Variants in HTT observed in about 807,000 individuals in gnomAD.
HTT encodes the protein huntingtin, also known as huntington disease protein.
In HTT, 104 loss-of-function variants were observed where a neutral mutation model predicts 362.3. That is an observed-to-expected ratio of 0.29 (90% confidence interval 0.24 to 0.34). The LOEUF is 0.34. HTT is among the 10% of genes least tolerant of loss of function. The pLI is 1.00. For synonymous variants in HTT, 1,577 were observed against 1,548.7 expected (o/e 1.02, Z -0.43); for missense variants, 3,301 against 3,928.6 (o/e 0.84, Z 4.27).
chr4:3,179,578 G>C lies in HTT; in HGVS notation c.4613-937G>C, dbSNP rs544287286. 3.3e-5 allele frequency among the ~76,000 whole-genome samples: 5 copies of C among 152,040 alleles called. No homozygotes were observed. In the South Asian group the frequency reaches 1.0e-3, roughly 32 times the overall value. On this transcript the variant is annotated intron_variant, in intron 35 of 66. Coordinates refer to ENST00000355072, the MANE Select transcript of HTT (RefSeq NM_001388492.1). The stretch of plus-strand genomic sequence containing the variant: ...TTGTGCCCTTCACTGAGGGGTCAGA[G>C]GGTGCCTCGCGTGTGTGTGTGTGTA...
In HTT at chr4:3,206,903, A is replaced by G. The variant is rs1242109826; in HGVS notation, c.5995A>G (p.Thr1999Ala). ...LTLYVDRLLC[T>A]PFRVLARMVD... ...GCTGTATGTGGACAGGCTTCTGTGC[A>G]CCCCTTTCCGTGTGCTGGCTCGCAT... is the stretch of plus-strand genomic sequence containing the variant. Residue 1999 changes from threonine to alanine, a missense_variant, in exon 44 of 67, where the codon ACC becomes GCC. By Grantham distance (58) the Thr-to-Ala change is moderately conservative. Transcript: ENST00000355072. This position sits in a 1 kb window ranked among gnomAD's most constrained non-coding sequence, Gnocchi z 4.6. The G allele has an allele frequency of 1.2e-6, 2 of 1,613,838 alleles. No individual in the cohort carries two copies. The highest frequency in any genetic ancestry group is 4.5e-5 in the East Asian group (2 of 44,868).
intron 29 of HTT, among the ~76,000 whole-genome samples, chr4:3,166,264 C>G (rs1345611113): frequency 6.6e-6 from 1 of 152,202 alleles, no homozygotes; most frequent in African/African-American, 2.4e-5. Context: ...GCAAATATTG[C>G]TGCCTGATCC....
chr4:3,172,266 GTACAA>G, intron 29 of HTT, 49 bp from the exon 30 acceptor site: 3 of 978,354 alleles, frequency 3.1e-6, no homozygotes. Flanking sequence ...TCTAGGATTC[GTACAA>G]TAACGGGTCA....
intron 1 of HTT, among the ~76,000 whole-genome samples, chr4:3,080,486 A>T (rs1156359393): frequency 1.3e-5 from 2 of 152,202 alleles, no homozygotes; most frequent in Non-Finnish European, 2.9e-5. Context: ...ATAGTTCTTT[A>T]TATATTCTGG....
Position 3,074,794 on chromosome 4 carries a change from C to T in HTT, c.-32C>T. 2 of 1,508,930 alleles carry T rather than the reference C, an allele frequency of 1.3e-6. No homozygotes were observed. The highest frequency in any genetic ancestry group is 1.8e-6 in the Non-Finnish European group (2 of 1,134,836). 93.5% of individuals were successfully genotyped at this position (1,508,930 alleles called of 1,614,324 possible). ...GGCGCCGCGAGTCGGCCCGAGGCCT[C>T]CGGGGACTGCCGTGCCGGGCGGGAG... On this transcript the variant is annotated 5_prime_UTR_variant, in exon 1 of 67. Coordinates refer to ENST00000355072, the MANE Select transcript of HTT (RefSeq NM_001388492.1).
chr4:3,097,720 T>C (rs1478498346), intron 2 of HTT, among the ~76,000 whole-genome samples: 3 of 152,230 alleles, frequency 2.0e-5, no homozygotes, highest in African/African-American at 7.2e-5. Flanking sequence ...ATGAAATGGA[T>C]GAGTTCCTTG....
chr4:3,080,019 G>A (rs1712804181), intron 1 of HTT, among the ~76,000 whole-genome samples: 1 of 152,128 alleles, frequency 6.6e-6, no homozygotes, highest in African/African-American at 2.4e-5. Context: ...GCTTAAACTG[G>A]TAACAAGCAA....
chr4:3,174,653 T>G, intron 31 of HTT, 68 bp from the exon 32 acceptor site: 1 of 1,265,378 alleles, frequency 7.9e-7, no homozygotes, highest in Non-Finnish European at 1.2e-6. Flanking sequence ...CAGGAGTATA[T>G]CTGAGTGCAG....
At position 3,154,357 on chromosome 4, in the gene HTT, A is replaced by G; in HGVS notation, c.3563A>G (p.Lys1188Arg). 2 of 1,613,784 alleles carry G rather than the reference A, an allele frequency of 1.2e-6. No individual in the cohort carries two copies. Among genetic ancestry groups the G allele is most frequent in the Non-Finnish European group, 8.5e-7 (1 of 1,179,842 alleles). Residue 1188 changes from lysine to arginine, a missense_variant, in exon 27 of 67, where the codon AAA becomes AGA. By Grantham distance (26) the Lys-to-Arg change is conservative (BLOSUM62 2). This residue lies in a region of HTT where 2,316 missense variants were observed against 2,658.5 expected (regional missense o/e 0.87). Transcript: ENST00000355072. ...LSPIRRKGKE[K>R]EPGEQASVPL... ...CCCATCCGACGAAAGGGGAAGGAGA[A>G]AGAACCAGGAGAACAAGCATCTGTA...
intron 2 of HTT, among the ~76,000 whole-genome samples, chr4:3,097,881 A>T (rs1295657109): frequency 6.6e-6 from 1 of 152,226 alleles, no homozygotes; most frequent in Non-Finnish European, 1.5e-5. Flanking sequence ...AACTTTTTCA[A>T]CTGAATTTTA....
intron 27 of HTT, among the ~76,000 whole-genome samples, chr4:3,156,648 A>G (rs1003412035): frequency 1.3e-5 from 2 of 152,226 alleles, no homozygotes; most frequent in Non-Finnish European, 2.9e-5. Flanking sequence ...TTTAATGATA[A>G]TGTTTGTGCC....
At chr4:3,219,331 C>T (rs1489330466) in intron 52 of HTT, among the ~76,000 whole-genome samples, 1 of 152,160 alleles carries the variant, frequency 6.6e-6, no homozygotes, top group African/African-American at 2.4e-5. Flanking sequence ...CCGTCCAGAG[C>T]ACACCTGAGG....
intron 45 of HTT, among the ~76,000 whole-genome samples, chr4:3,207,906 CT>C (rs1282385309): frequency 6.9e-6 from 1 of 145,228 alleles, no homozygotes; most frequent in African/African-American, 2.5e-5. Flanking sequence ...ATAAGTTAAA[CT>C]TTTACCTTTT....
intron 34 of HTT, 66 bp from the exon 35 acceptor site, chr4:3,178,232 T>C (rs981614740): frequency 1.3e-5 from 15 of 1,196,500 alleles, no homozygotes; most frequent in Non-Finnish European, 1.6e-5. Context: ...AATTATTTTA[T>C]GTTGCTTATA....
chr4:3,137,464 C>T (rs1309783329), intron 21 of HTT, among the ~76,000 whole-genome samples: 3 of 151,976 alleles, frequency 2.0e-5, no homozygotes, highest in Middle Eastern at 3.4e-3. Flanking sequence ...TTTGGGAGGC[C>T]GAGGTTGGTG....
At position 3,187,728 on chromosome 4, in the gene HTT, A is replaced by G; in HGVS notation, c.5067A>G (p.Glu1689=). 2 of 1,614,176 alleles carry G rather than the reference A, an allele frequency of 1.2e-6. No individual in the cohort carries two copies. The highest frequency in any genetic ancestry group is 2.2e-5 in the East Asian group (1 of 44,888). The part of the protein sequence containing the change: ...ILRVLISQST[E]DIVLSRIQEL... ...GGGTTCTGATTTCCCAGTCAACTGA[A>G]GATATTGTTCTTTCTCGTATTCAGG... The change falls in exon 39 of 67, where the codon GAA becomes GAG. Residue 1689 remains glutamate (E), a synonymous_variant. Transcript: ENST00000355072.
intron 50 of HTT, 30 bp from the exon 51 acceptor site, chr4:3,215,080 A>ATTC: frequency 1.9e-6 from 3 of 1,548,314 alleles, no homozygotes; most frequent in Non-Finnish European, 2.7e-6. Context: ...GTGTGTAGAA[A>ATTC]TTCTTCTCTT....
At chr4:3,221,041 G>A (rs1720649983) in intron 53 of HTT, among the ~76,000 whole-genome samples, 1 of 152,150 alleles carries the variant, frequency 6.6e-6, no homozygotes, top group South Asian at 2.1e-4. Context: ...TGATCTTGTG[G>A]TGGGACTGTA....
At chr4:3,101,663 A>G (rs1036967103) in intron 3 of HTT, among the ~76,000 whole-genome samples, 1 of 152,266 alleles carries the variant, frequency 6.6e-6, no homozygotes, top group Non-Finnish European at 1.5e-5. Context: ...CACATTTTGC[A>G]TGTGGTTTCT....
Sources: allele counts gnomAD v4.1 joint callset (sites outside exome capture counted in the v4.1 genomes callset), GRCh38; gene constraint gnomAD v4.1.1; regional missense constraint gnomAD v4.1.1; non-coding constraint Gnocchi (gnomAD v3.1); transcripts MANE v1.5; gene names NCBI Gene and HGNC (gene_info 2026-07-23, HGNC 2026-07-21).